The following GRM8 variants were observed in gnomAD, a reference collection of about 807,000 sequenced individuals.
GRM8 encodes metabotropic glutamate receptor 8.
Under a neutral mutation model 87.2 loss-of-function variants are expected in GRM8, and 47 were observed. The observed-to-expected ratio is 0.54, with a 90% CI of 0.43 to 0.69. The LOEUF is 0.69. Ranked by LOEUF, GRM8 falls within the 30% of genes least tolerant of loss-of-function variation. GRM8 has a pLI of 0.00. For synonymous variants in GRM8, 396 were observed against 404.5 expected (o/e 0.98, Z 0.25); for missense variants, 1,019 against 1,139.2 (o/e 0.89, Z 1.52).
chr7:127,172,681 G>T (rs1345901899), intron 2 of GRM8, among the ~76,000 whole-genome samples: 2 of 150,880 alleles, frequency 1.3e-5, no homozygotes, highest in Non-Finnish European at 2.9e-5. Flanking sequence ...AGCACTCCAG[G>T]CTGGGTGACA....
chr7:126,491,561 C>T lies in GRM8; in HGVS notation c.2430+41391G>A, dbSNP rs73722628. Among the ~76,000 whole-genome samples, 663 of 152,102 alleles carry T rather than the reference C, an allele frequency of 4.4e-3. 2 individuals carry two copies. Among genetic ancestry groups the T allele is most frequent in the African/African-American group, 0.015 (640 of 41,534 alleles). On this transcript the variant is annotated intron_variant, in intron 9 of 10. Transcript: ENST00000339582. Reference sequence around the variant, plus strand: ...GAACTTAACAAATTTTACAAATTTTCATACCGTTAGAAGTAATGGGGCCTC... The same window carrying T: ...GAACTTAACAAATTTTACAAATTTTTATACCGTTAGAAGTAATGGGGCCTC...
At chr7:126,504,085 G>T (rs1296740794) in intron 9 of GRM8, among the ~76,000 whole-genome samples, 1 of 151,750 alleles carries the variant, frequency 6.6e-6, no homozygotes, top group African/African-American at 2.4e-5. Context: ...CCTTTTTATT[G>T]CCCATCTCAT....
intron 3 of GRM8, among the ~76,000 whole-genome samples, chr7:127,020,016 T>C (rs17865307): frequency 0.01 from 1,588 of 152,214 alleles, 25 homozygotes; most frequent in African/African-American, 0.036. Context: ...AATTCATTCC[T>C]ACAGAACAGA....
At chr7:126,734,811 C>A (rs1814013716) in intron 7 of GRM8, among the ~76,000 whole-genome samples, 1 of 151,926 alleles carries the variant, frequency 6.6e-6, no homozygotes, top group Non-Finnish European at 1.5e-5. Flanking sequence ...ATGAACTTAT[C>A]AGGTAAGAGT....
intron 2 of GRM8, among the ~76,000 whole-genome samples, chr7:127,211,482 T>C (rs1796207010): frequency 1.3e-5 from 2 of 152,194 alleles, no homozygotes; most frequent in Admixed American, 6.5e-5. Flanking sequence ...CCTCTCCCAG[T>C]CCACTGACTC....
intron 2 of GRM8, among the ~76,000 whole-genome samples, chr7:127,134,638 T>C (rs1283439055): frequency 6.6e-6 from 1 of 152,200 alleles, no homozygotes; most frequent in South Asian, 2.1e-4. Context: ...AAATGCAACA[T>C]TGTTCATCTT....
At chr7:126,952,898 A>G (rs1296208139) in intron 3 of GRM8, among the ~76,000 whole-genome samples, 3 of 152,142 alleles carry the variant, frequency 2.0e-5, no homozygotes, top group African/African-American at 4.8e-5. Context: ...CTGGAGAATA[A>G]TAACAATGAA....
intron 3 of GRM8, among the ~76,000 whole-genome samples, chr7:126,928,602 G>A (rs1805398839): frequency 6.6e-6 from 1 of 151,462 alleles, no homozygotes; most frequent in Admixed American, 6.6e-5. Flanking sequence ...AGCCCAGGAG[G>A]TGGAGGCTGC....
intron 8 of GRM8, among the ~76,000 whole-genome samples, chr7:126,607,212 G>A (rs1034918904): frequency 6.6e-6 from 1 of 152,158 alleles, no homozygotes; most frequent in Admixed American, 6.5e-5. Flanking sequence ...GCAGAACAAT[G>A]GATAAGATTT....
intron 3 of GRM8, among the ~76,000 whole-genome samples, chr7:126,928,532 T>A (rs1385803311): frequency 6.6e-6 from 1 of 151,638 alleles, no homozygotes; most frequent in Non-Finnish European, 1.5e-5. Context: ...ATTAACCGGG[T>A]ATGGTGGTTT....
At chr7:127,191,922 A>G (rs1406578300) in intron 2 of GRM8, among the ~76,000 whole-genome samples, 2 of 152,096 alleles carry the variant, frequency 1.3e-5, no homozygotes, top group African/African-American at 4.8e-5. Flanking sequence ...TGATTTAGGG[A>G]CACCATTTTC....
intron 7 of GRM8, among the ~76,000 whole-genome samples, chr7:126,663,487 C>A (rs565713915): frequency 2.6e-5 from 4 of 152,326 alleles, no homozygotes; most frequent in South Asian, 2.1e-4. Context: ...CCTGGTTCAA[C>A]ATATGCAAAT....
intron 2 of GRM8, among the ~76,000 whole-genome samples, chr7:127,160,225 G>C (rs1251598502): frequency 6.6e-6 from 1 of 152,108 alleles, no homozygotes; most frequent in East Asian, 1.9e-4. Flanking sequence ...TTGCAAAAAA[G>C]GAGGGTGTTT....
At chr7:126,725,042 G>A (rs550903580) in intron 7 of GRM8, among the ~76,000 whole-genome samples, 8 of 152,284 alleles carry the variant, frequency 5.3e-5, no homozygotes, top group East Asian at 1.9e-4. Flanking sequence ...AAGAACAGAT[G>A]TTTGCTCAAG....
chr7:126,594,762 G>A (rs1040690489), intron 8 of GRM8, among the ~76,000 whole-genome samples: 1 of 152,102 alleles, frequency 6.6e-6, no homozygotes, highest in Non-Finnish European at 1.5e-5. Context: ...GTGAGGTAAT[G>A]CTTATGTTAG....
chr7:126,987,761 C>T (rs1288037232), intron 3 of GRM8, among the ~76,000 whole-genome samples: 1 of 152,188 alleles, frequency 6.6e-6, no homozygotes, highest in African/African-American at 2.4e-5. Context: ...CGGCGCCCGG[C>T]CTTCTTGTTT....
At chr7:127,079,609 T>C (rs1352151786) in intron 3 of GRM8, among the ~76,000 whole-genome samples, 1 of 152,182 alleles carries the variant, frequency 6.6e-6, no homozygotes, top group Non-Finnish European at 1.5e-5. Flanking sequence ...GATTACCCTT[T>C]CTCTACCCTG....
chr7:126,990,189 C>A (rs1812511978), intron 3 of GRM8, among the ~76,000 whole-genome samples: 1 of 152,132 alleles, frequency 6.6e-6, no homozygotes, highest in African/African-American at 2.4e-5. Flanking sequence ...CAGGCCCCAG[C>A]CACCTTCTTC....
At position 127,026,144 on chromosome 7, in the gene GRM8, C is replaced by T. The variant is rs553147921; in HGVS notation, c.727+80352G>A. On this transcript the variant is annotated intron_variant, in intron 3 of 10. Coordinates refer to ENST00000339582, the MANE Select transcript of GRM8 (RefSeq NM_000845.3). ...GTGATATTTTGCTGAGAATGGTTTCCAGCTACATCCATGTCCGTGCAAAGG... is the reference window on the plus strand; with the variant it reads ...GTGATATTTTGCTGAGAATGGTTTCTAGCTACATCCATGTCCGTGCAAAGG... 1.1e-4 allele frequency among the ~76,000 whole-genome samples: 17 copies of T among 152,050 alleles called. 1 individual carries two copies. The South Asian group carries it at 3.5e-3, about 32-fold the overall frequency.
Sources: gnomAD v4.1 joint callset for allele counts (sites outside exome capture counted in the v4.1 genomes callset) on GRCh38, gnomAD v4.1.1 for gene constraint, MANE v1.5 for transcripts, NCBI Gene and HGNC (gene_info 2026-07-23, HGNC 2026-07-21) for gene names.